Variants in SPIRE1 observed in about 807,000 individuals in gnomAD.
The protein encoded by SPIRE1 is protein spire homolog 1.
SPIRE1 carries 40 observed loss-of-function variants against 94.1 expected under a neutral mutation model. The observed-to-expected ratio is 0.43, with a 90% CI of 0.33 to 0.55. The LOEUF (loss-of-function observed/expected upper bound fraction) is 0.55. Ranked by LOEUF, SPIRE1 falls within the 20% of genes least tolerant of loss-of-function variation. The pLI, the probability that SPIRE1 is intolerant of heterozygous loss-of-function variation, is 0.06. For synonymous variants in SPIRE1, 376 were observed against 371.7 expected, an observed-to-expected ratio of 1.01 and a Z score of -0.13; for missense variants, 838 against 975.2, an observed-to-expected ratio of 0.86 and a Z score of 1.87.
At chr18:12,533,253 C>A (rs2034738923) in intron 4 of SPIRE1, among the ~76,000 whole-genome samples, 1 of 152,204 alleles carries the variant, frequency 6.6e-6, no homozygotes, top group African/African-American at 2.4e-5. Flanking sequence ...TGTGAGGGCC[C>A]AACCTCGGTC....
At chr18:12,651,100 C>T (rs948621772) in intron 1 of SPIRE1, among the ~76,000 whole-genome samples, 9 of 152,206 alleles carry the variant, frequency 5.9e-5, no homozygotes, top group Middle Eastern at 3.4e-3. Flanking sequence ...ACTATTTGCC[C>T]TTACATCACC....
Position 12,525,099 on chromosome 18 carries a change from A to G in SPIRE1, c.729+10377T>C, listed in dbSNP as rs60596234. Among the ~76,000 whole-genome samples the G allele has an allele frequency of 5.4e-3, 822 of 151,572 alleles. 9 individuals are homozygous for G. Among genetic ancestry groups the G allele is most frequent in the African/African-American group, 0.019 (779 of 41,396 alleles). Reference sequence around the variant, plus strand: ...AAACCATCCTGGCTAACACGGTGAAACCCCGTCTCTACTAAAAATACAAAA... The same window carrying G: ...AAACCATCCTGGCTAACACGGTGAAGCCCCGTCTCTACTAAAAATACAAAA... On this transcript the variant is annotated intron_variant, in intron 4 of 16. Transcript: ENST00000409402.
chr18:12,618,572 T>C (rs1172540387), intron 2 of SPIRE1, among the ~76,000 whole-genome samples: 3 of 152,180 alleles, frequency 2.0e-5, no homozygotes, highest in African/African-American at 7.2e-5. Flanking sequence ...AAGCTATCTA[T>C]ACTTTTTAAT....
chr18:12,500,693 G>A (rs943772777), intron 6 of SPIRE1, among the ~76,000 whole-genome samples: 21 of 152,106 alleles, frequency 1.4e-4, no homozygotes, highest in Non-Finnish European at 2.9e-4. Flanking sequence ...TCATGCTAGC[G>A]AAAATGAAAG....
intron 4 of SPIRE1, among the ~76,000 whole-genome samples, chr18:12,523,741 T>C (rs1208852561): frequency 6.6e-6 from 1 of 152,154 alleles, no homozygotes; most frequent in African/African-American, 2.4e-5. Flanking sequence ...GAGTGCAAAA[T>C]GGTGTAATCA....
chr18:12,516,485 G>A (rs2034199206), intron 4 of SPIRE1, among the ~76,000 whole-genome samples: 1 of 152,142 alleles, frequency 6.6e-6, no homozygotes, highest in Non-Finnish European at 1.5e-5. Flanking sequence ...AAGGGAGGGA[G>A]CATGCCAGCC....
chr18:12,509,941 T>C (rs951265592), intron 5 of SPIRE1, among the ~76,000 whole-genome samples: 7 of 151,780 alleles, frequency 4.6e-5, no homozygotes, highest in Admixed American at 1.3e-4. Flanking sequence ...AAAAATTAGC[T>C]GGGTGTGGTG....
At chr18:12,563,565 T>C (rs1208001644) in intron 2 of SPIRE1, among the ~76,000 whole-genome samples, 2 of 152,210 alleles carry the variant, frequency 1.3e-5, no homozygotes, top group African/African-American at 4.8e-5. Context: ...TGCAATCATG[T>C]TACCTGAATG....
At chr18:12,659,174 T>G (rs2038643111), upstream of SPIRE1, among the ~76,000 whole-genome samples, 2 of 152,174 alleles carry the variant, frequency 1.3e-5, no homozygotes, top group Admixed American at 6.5e-5. Context: ...AAATAGGCAA[T>G]GTATATTAAG....
intron 3 of SPIRE1, among the ~76,000 whole-genome samples, chr18:12,540,392 T>TTG (rs1567919780): frequency 6.6e-6 from 1 of 152,202 alleles, no homozygotes; most frequent in East Asian, 1.9e-4. Flanking sequence ...ACTTTTTTTT[T>TTG]GAAATGGGGT....
At chr18:12,474,800 T>C (rs566216491) in intron 10 of SPIRE1, among the ~76,000 whole-genome samples, 3 of 151,952 alleles carry the variant, frequency 2.0e-5, no homozygotes, top group East Asian at 3.9e-4. Flanking sequence ...GCCTTGGCAA[T>C]GTAGTGAGGC....
intron 3 of SPIRE1, among the ~76,000 whole-genome samples, chr18:12,541,761 T>C (rs1180453358): frequency 2.0e-5 from 3 of 152,160 alleles, no homozygotes; most frequent in Non-Finnish European, 4.4e-5. Context: ...TAAAAATCTG[T>C]GTCTTTTAAA....
At chr18:12,450,375 A>C in intron 16 of SPIRE1, 1 of 357,260 alleles carries the variant, frequency 2.8e-6, no homozygotes, top group East Asian at 4.8e-5. Flanking sequence ...ACAAAAAAAG[A>C]AAAGGAAAGA....
At chr18:12,651,037 T>C (rs1456888327) in intron 1 of SPIRE1, among the ~76,000 whole-genome samples, 2 of 152,198 alleles carry the variant, frequency 1.3e-5, no homozygotes, top group Non-Finnish European at 2.9e-5. Context: ...ATTAGATTCA[T>C]GGTAAATTCA....
chr18:12,629,191 G>A (rs949715173), intron 2 of SPIRE1, among the ~76,000 whole-genome samples: 3 of 152,126 alleles, frequency 2.0e-5, no homozygotes, highest in African/African-American at 4.8e-5. Context: ...GGGCCTCTGA[G>A]TGCTACATAA....
chr18:12,508,989 T>C (rs959717892), intron 5 of SPIRE1, among the ~76,000 whole-genome samples: 4 of 152,188 alleles, frequency 2.6e-5, no homozygotes, highest in Non-Finnish European at 5.9e-5. Context: ...CTTTGTTACA[T>C]AGTCGGTTTT....
At chr18:12,626,886 A>ATATATATATATATATTTT (rs55915333) in intron 2 of SPIRE1, among the ~76,000 whole-genome samples, 18 of 111,896 alleles carry the variant, frequency 1.6e-4, no homozygotes, top group Middle Eastern at 8.2e-3. Context: ...ATATATATAT[A>ATATATATATATATATTTT]TTTTTTTTTT....
At chr18:12,536,775 T>C (rs2034856804) in intron 3 of SPIRE1, among the ~76,000 whole-genome samples, 1 of 152,054 alleles carries the variant, frequency 6.6e-6, no homozygotes. Flanking sequence ...CTATTAAGAG[T>C]CCCATACACA....
intron 2 of SPIRE1, among the ~76,000 whole-genome samples, chr18:12,615,100 G>A (rs1402928798): frequency 3.3e-5 from 5 of 150,750 alleles, no homozygotes; most frequent in South Asian, 4.2e-4. Flanking sequence ...TGAGGCATGC[G>A]GATCACCTGA....
Sources: allele counts gnomAD v4.1 joint callset (sites outside exome capture counted in the v4.1 genomes callset), GRCh38; gene constraint gnomAD v4.1.1; transcripts MANE v1.5; gene names NCBI Gene and HGNC (gene_info 2026-07-23, HGNC 2026-07-21).